Variants in ABLIM3 observed in about 807,000 individuals in gnomAD.
ABLIM3 encodes actin binding LIM protein family member 3, also known as actin-binding LIM protein 3.
In ABLIM3, 61 loss-of-function variants were observed where a neutral mutation model predicts 109.5. The observed-to-expected ratio is 0.56, with a 90% CI of 0.45 to 0.69. The LOEUF is 0.69. Ranked by LOEUF, ABLIM3 falls within the 30% of genes least tolerant of loss-of-function variation. The pLI is 0.00. For synonymous variants in ABLIM3, 300 were observed against 324.8 expected, an observed-to-expected ratio of 0.92 and a Z score of 0.82; for missense variants, 796 against 889.5, an observed-to-expected ratio of 0.89 and a Z score of 1.34.
At chr5:149,236,993 T>A (rs775811279) in intron 10 of ABLIM3, among the ~76,000 whole-genome samples, 1 of 152,230 alleles carries the variant, frequency 6.6e-6, no homozygotes, top group African/African-American at 2.4e-5. Flanking sequence ...CATCTTCATC[T>A]TCTTCTTCAA....
chr5:149,144,559 T>A (rs1017960842), intron 2 of ABLIM3, among the ~76,000 whole-genome samples: 2 of 152,222 alleles, frequency 1.3e-5, no homozygotes, highest in African/African-American at 4.8e-5. Context: ...CACTTCTATT[T>A]ATTTAGTCCT....
At chr5:149,176,738 A>C (rs1243361910) in intron 2 of ABLIM3, among the ~76,000 whole-genome samples, 1 of 152,122 alleles carries the variant, frequency 6.6e-6, no homozygotes, top group Non-Finnish European at 1.5e-5. Flanking sequence ...CTTATGCATT[A>C]ACTGCTCCTA....
In ABLIM3 at chr5:149,190,150, A is replaced by G. The variant is rs943894443; in HGVS notation, c.151+6561A>G. Among the ~76,000 whole-genome samples the G allele has an allele frequency of 1.8e-4, 27 of 152,340 alleles. No individual in the cohort carries two copies. In the Middle Eastern group the frequency reaches 0.017, roughly 96 times the overall value. On this transcript the variant is annotated intron_variant, in intron 3 of 23. Transcript: ENST00000309868. ...ATTTCATATGTATGAAATGCTCAAAACAGGCATATTATATAAAGACAGAAA... is the reference window on the plus strand; with the variant it reads ...ATTTCATATGTATGAAATGCTCAAAGCAGGCATATTATATAAAGACAGAAA...
At chr5:149,187,430 ATATT>A (rs537345090) in intron 3 of ABLIM3, among the ~76,000 whole-genome samples, 242 of 152,370 alleles carry the variant, frequency 1.6e-3, no homozygotes, top group Non-Finnish European at 2.8e-3. Context: ...GCAGAAGAAT[ATATT>A]TAATGTACTG....
chr5:149,186,412 C>T (rs985703893), intron 3 of ABLIM3, among the ~76,000 whole-genome samples: 1 of 150,002 alleles, frequency 6.7e-6, no homozygotes, highest in Non-Finnish European at 1.5e-5. Context: ...GACTTCATCT[C>T]AAAGAAAAAA....
chr5:149,188,515 C>G (rs1279698565), intron 3 of ABLIM3, among the ~76,000 whole-genome samples: 2 of 152,192 alleles, frequency 1.3e-5, no homozygotes, highest in African/African-American at 4.8e-5. Flanking sequence ...GGAAAGGTGT[C>G]CCTTGCTCAT....
chr5:149,258,368 G>C lies in ABLIM3; in HGVS notation c.2016G>C (p.Lys672Asn). The C allele has an allele frequency of 1.9e-6, 3 of 1,614,054 alleles. No individual in the cohort carries two copies. The highest frequency in any genetic ancestry group is 2.5e-6 in the Non-Finnish European group (3 of 1,180,024). Reference protein sequence around the residue: ...ISEFDRLALWKRNELKKQARL... With the variant: ...ISEFDRLALWNRNELKKQARL... ...AGTTTGACCGGCTGGCCCTCTGGAAGAGGAATGAACTGAAGAAGCAAGCCC... is the reference window on the plus strand; with the variant it reads ...AGTTTGACCGGCTGGCCCTCTGGAACAGGAATGAACTGAAGAAGCAAGCCC... Residue 672 changes from lysine (K) to asparagine (N), a missense_variant, in exon 24 of 24, where the codon AAG becomes AAC. Physicochemically the swap from Lys to Asn is moderately conservative, Grantham distance 94. Transcript: ENST00000309868.
intron 18 of ABLIM3, 81 bp downstream of exon 18, chr5:149,248,010 G>A (rs1753557426): frequency 2.6e-6 from 4 of 1,516,600 alleles, no homozygotes; most frequent in Non-Finnish European, 3.5e-6. Context: ...TTTGCTCTGA[G>A]CCAGGCTCCC....
In ABLIM3 at chr5:149,259,520, G is replaced by A; in HGVS notation, c.*1116G>A. On this transcript the variant is annotated 3_prime_UTR_variant, in exon 24 of 24. Transcript: ENST00000309868. ...ATACCCCCGCCAGTCCTCGGCTCCT[G>A]CTGCAAAGTTGGCCATGTTTCACAG... is the stretch of plus-strand genomic sequence containing the variant. 2 of 1,536,224 alleles carry A rather than the reference G, an allele frequency of 1.3e-6. No homozygotes were observed. The highest frequency in any genetic ancestry group is 1.7e-6 in the Non-Finnish European group (2 of 1,146,934).
At chr5:149,229,109 C>T (rs1164970678) in intron 8 of ABLIM3, among the ~76,000 whole-genome samples, 2 of 152,252 alleles carry the variant, frequency 1.3e-5, no homozygotes, top group African/African-American at 4.8e-5. Context: ...TCGGAAGCAA[C>T]TCAGAGAGGA....
Position 149,259,760 on chromosome 5 carries a change from G to T in ABLIM3, c.*1356G>T, listed in dbSNP as rs114525718. ...TTCCTTCTTGGAGAAGCCTTGAGTC[G>T]GACCATTTTGAGATCATGGAGGAAG... On this transcript the variant is annotated 3_prime_UTR_variant, in exon 24 of 24. Coordinates refer to ENST00000309868, the MANE Select transcript of ABLIM3 (RefSeq NM_014945.5). 1,052 of 655,636 alleles carry T rather than the reference G, an allele frequency of 1.6e-3. 12 individuals carry two copies. The African/African-American group carries it at 0.017, about 10-fold the overall frequency. The allele number at this position is 655,636 out of a possible 1,614,324, so 40.6% of individuals were successfully genotyped here. A position where few individuals can be genotyped will look rare whatever the true frequency, so the allele number is the denominator to read the frequency against.
chr5:149,251,018 A>G (rs960694140), intron 20 of ABLIM3, among the ~76,000 whole-genome samples: 2 of 152,186 alleles, frequency 1.3e-5, no homozygotes, highest in African/African-American at 4.8e-5. Context: ...AAGAAAAGTG[A>G]TGAGCAGGGT....
In ABLIM3 at chr5:149,225,970, GTGTGTGTGTGTGTATATATATATATATA is replaced by G. The variant is rs1263445425; in HGVS notation, c.758-4677_758-4650del. Among the ~76,000 whole-genome samples, 8 of 74,034 alleles carry G rather than the reference GTGTGTGTGTGTGTATATATATATATATA, an allele frequency of 1.1e-4. No individual in the cohort carries two copies. The East Asian group carries it at 1.3e-3, about 12-fold the overall frequency. The allele number at this position is 74,034 out of a possible 152,430, so 48.6% of individuals were successfully genotyped here. ...GTATGTATATAATATGTGTGTGTGT[GTGTGTGTGTGTGTATATATATATATATA>G]TATATATATATATATATATATATAT... On this transcript the variant is annotated intron_variant, in intron 8 of 23. Transcript: ENST00000309868.
chr5:149,230,917 A>G (rs1356950793), intron 9 of ABLIM3, among the ~76,000 whole-genome samples: 1 of 152,050 alleles, frequency 6.6e-6, no homozygotes, highest in Non-Finnish European at 1.5e-5. Context: ...CACTCTGAAA[A>G]CTGTAAAGCA....
In ABLIM3 at chr5:149,259,823, G is replaced by A; in HGVS notation, c.*1419G>A. 3.5e-6 allele frequency: 2 copies of A among 564,882 alleles called. No homozygotes were observed. Among genetic ancestry groups the A allele is most frequent in the Non-Finnish European group, 6.3e-6 (2 of 316,612 alleles). The allele number at this position is 564,882 out of a possible 1,614,324, so 35.0% of individuals were successfully genotyped here. On this transcript the variant is annotated 3_prime_UTR_variant, in exon 24 of 24. Transcript: ENST00000309868. ...AAAATGACAATAATGACTCTCAAGA[G>A]GCTGGCGATGTGACATGGCAAATGT...
Position 149,216,994 on chromosome 5 carries a change from G to A in ABLIM3, c.705G>A (p.Arg235=), listed in dbSNP as rs1353345334. The change falls in exon 8 of 24, where the codon AGG becomes AGA. Residue 235 remains arginine, a synonymous_variant. Coordinates refer to ENST00000309868, the MANE Select transcript of ABLIM3 (RefSeq NM_014945.5). Reference sequence around the variant, plus strand: ...AGCACTACCACCCAACCTGTGCCAGGTGTGTACGCTGCCACCAGATGTTCA... The same window carrying A: ...AGCACTACCACCCAACCTGTGCCAGATGTGTACGCTGCCACCAGATGTTCA... The part of the protein sequence containing the change: ...GGKHYHPTCA[R]CVRCHQMFTE... The A allele has an allele frequency of 2.5e-6, 4 of 1,614,216 alleles. No individual in the cohort carries two copies. Among genetic ancestry groups the A allele is most frequent in the Middle Eastern group, 1.6e-4 (1 of 6,062 alleles).
At chr5:149,147,805 A>C (rs1300365534) in intron 2 of ABLIM3, among the ~76,000 whole-genome samples, 1 of 152,178 alleles carries the variant, frequency 6.6e-6, no homozygotes, top group Non-Finnish European at 1.5e-5. Flanking sequence ...CATGAGCAAA[A>C]AATGAAAATG....
intron 1 of ABLIM3, 85 bp downstream of exon 1, chr5:149,141,739 T>G: frequency 7.1e-6 from 2 of 281,862 alleles, no homozygotes; most frequent in Non-Finnish European, 6.7e-6. Flanking sequence ...CCACACCCCC[T>G]TTGGGCTCCG....
chr5:149,252,171 C>CTG (rs750499207), intron 21 of ABLIM3, 30 bp from the exon 22 acceptor site: 11 of 1,613,138 alleles, frequency 6.8e-6, no homozygotes, highest in South Asian at 3.3e-5. Flanking sequence ...GGGCTCCATT[C>CTG]TGTGTGTGTG....
Sources: gnomAD v4.1 joint callset for allele counts (sites outside exome capture counted in the v4.1 genomes callset) on GRCh38, gnomAD v4.1.1 for gene constraint, MANE v1.5 for transcripts, NCBI Gene and HGNC (gene_info 2026-07-23, HGNC 2026-07-21) for gene names.